KHDRBS3: variants seen among roughly 807,000 people sequenced by gnomAD.
KHDRBS3 encodes KH RNA binding domain containing, signal transduction associated 3, also known as KH domain-containing, RNA-binding, signal transduction-associated protein 3.
Under a neutral mutation model 45.6 loss-of-function variants are expected in KHDRBS3, and 23 were observed. The observed-to-expected ratio is 0.50, with a 90% CI of 0.36 to 0.72. KHDRBS3 has a LOEUF of 0.72. Among genes scored for constraint, KHDRBS3 ranks in the 30% least tolerant of loss-of-function variants. KHDRBS3 has a pLI of 0.00. For synonymous variants in KHDRBS3, 162 were observed against 156.5 expected, an observed-to-expected ratio of 1.04 and a Z score of -0.26; for missense variants, 352 against 424.8, an observed-to-expected ratio of 0.83 and a Z score of 1.51.
intron 7 of KHDRBS3, among the ~76,000 whole-genome samples, chr8:135,618,745 G>C (rs1489925344): frequency 6.6e-6 from 1 of 152,090 alleles, no homozygotes; most frequent in African/African-American, 2.4e-5. Context: ...GAGTCAGGCC[G>C]ACCTGACCTT....
At chr8:135,635,446 C>T (rs919274129) in intron 7 of KHDRBS3, among the ~76,000 whole-genome samples, 4 of 152,210 alleles carry the variant, frequency 2.6e-5, no homozygotes. Flanking sequence ...TGTAGTGGCA[C>T]GATCTTGGCT....
chr8:135,521,185 G>GCCCCTGCATTT (rs1824886413), intron 1 of KHDRBS3, 52 bp from the exon 2 acceptor site: 1 of 1,066,910 alleles, frequency 9.4e-7, no homozygotes, highest in African/African-American at 1.6e-5. Flanking sequence ...AGAACACCCA[G>GCCCCTGCATTT]CCCCTGCATT....
At chr8:135,484,425 G>A (rs936568439) in intron 1 of KHDRBS3, among the ~76,000 whole-genome samples, 4 of 152,164 alleles carry the variant, frequency 2.6e-5, no homozygotes, top group East Asian at 1.9e-4. Context: ...CCTCCTCTCC[G>A]CCGGCTGTGC....
chr8:135,526,244 G>A (rs1825179346), intron 2 of KHDRBS3, among the ~76,000 whole-genome samples: 1 of 151,984 alleles, frequency 6.6e-6, no homozygotes, highest in South Asian at 2.1e-4. Context: ...TCAATAAAGT[G>A]TACGAAATAA....
chr8:135,488,561 A>G (rs540304803), intron 1 of KHDRBS3, among the ~76,000 whole-genome samples: 3 of 152,230 alleles, frequency 2.0e-5, no homozygotes, highest in Non-Finnish European at 2.9e-5. Context: ...AAAGTTAAGG[A>G]TAACAATTCT....
intron 7 of KHDRBS3, among the ~76,000 whole-genome samples, chr8:135,626,227 A>C (rs1830354221): frequency 6.6e-6 from 1 of 152,234 alleles, no homozygotes; most frequent in South Asian, 2.1e-4. Context: ...TACAGATGAG[A>C]AATTAAATTA....
At chr8:135,654,175 C>G (rs1263695089) in intron 4 of KHDRBS3, among the ~76,000 whole-genome samples, 1 of 152,110 alleles carries the variant, frequency 6.6e-6, no homozygotes, top group Non-Finnish European at 1.5e-5. Context: ...TTATTTTATA[C>G]TAGAAAGCTA....
intron 5 of KHDRBS3, among the ~76,000 whole-genome samples, chr8:135,579,992 C>T (rs866438437): frequency 6.6e-6 from 1 of 152,152 alleles, no homozygotes; most frequent in South Asian, 2.1e-4. Context: ...CCCCTCAGAC[C>T]ACATCTCATT....
intron 6 of KHDRBS3, among the ~76,000 whole-genome samples, chr8:135,597,560 C>T (rs1026215434): frequency 6.6e-6 from 1 of 152,022 alleles, no homozygotes; most frequent in African/African-American, 2.4e-5. Flanking sequence ...TCAAACCTCC[C>T]CAACACTCTC....
At chr8:135,543,565 T>C (rs941688415) in intron 3 of KHDRBS3, among the ~76,000 whole-genome samples, 10 of 152,286 alleles carry the variant, frequency 6.6e-5, no homozygotes, top group African/African-American at 1.9e-4. Context: ...ATCTAAACAA[T>C]AGCTTTTATA....
At chr8:135,608,584 C>T (rs1829571121) in intron 7 of KHDRBS3, among the ~76,000 whole-genome samples, 1 of 152,214 alleles carries the variant, frequency 6.6e-6, no homozygotes, top group Non-Finnish European at 1.5e-5. Context: ...GTGTGACTGT[C>T]AAGTGCATAT....
chr8:135,587,585 G>A (rs1828538691), intron 6 of KHDRBS3, among the ~76,000 whole-genome samples: 1 of 152,152 alleles, frequency 6.6e-6, no homozygotes, highest in Non-Finnish European at 1.5e-5. Context: ...AGAACAAGAA[G>A]TGCCTTTTTT....
intron 7 of KHDRBS3, among the ~76,000 whole-genome samples, chr8:135,636,696 A>ATCG (rs1452111789): frequency 6.6e-6 from 1 of 152,206 alleles, no homozygotes; most frequent in African/African-American, 2.4e-5. Flanking sequence ...CGTCAACTGA[A>ATCG]TCGTCCTCAC....
At chr8:135,649,761 T>G (rs886706275), downstream of KHDRBS3, among the ~76,000 whole-genome samples, 2 of 152,168 alleles carry the variant, frequency 1.3e-5, no homozygotes, top group African/African-American at 4.8e-5. Context: ...TATGGAGAGG[T>G]AGAGGGTCAA....
At chr8:135,459,424 T>C (rs193069713) in intron 1 of KHDRBS3, among the ~76,000 whole-genome samples, 1 of 152,340 alleles carries the variant, frequency 6.6e-6, no homozygotes, top group Non-Finnish European at 1.5e-5. Flanking sequence ...TGGGCATGCA[T>C]TCCTAAATAA....
intron 7 of KHDRBS3, among the ~76,000 whole-genome samples, chr8:135,631,381 C>G (rs1409504919): frequency 6.6e-6 from 1 of 151,242 alleles, no homozygotes; most frequent in Non-Finnish European, 1.5e-5. Flanking sequence ...GCTTAAAACA[C>G]AAACATATTG....
At chr8:135,521,182 C>T (rs1024972928) in intron 1 of KHDRBS3, 55 bp from the exon 2 acceptor site, 63 of 1,050,526 alleles carry the variant, frequency 6.0e-5, no homozygotes, top group Non-Finnish European at 9.2e-5. Context: ...ACCAGAACAC[C>T]CAGCCCCTGC....
intron 7 of KHDRBS3, among the ~76,000 whole-genome samples, chr8:135,623,420 C>G (rs1263974732): frequency 6.6e-6 from 1 of 152,146 alleles, no homozygotes; most frequent in Non-Finnish European, 1.5e-5. Context: ...AAACCTTACG[C>G]TTAACTAATA....
chr8:135,504,020 C>G (rs538063456), intron 1 of KHDRBS3, among the ~76,000 whole-genome samples: 56 of 152,296 alleles, frequency 3.7e-4, no homozygotes, highest in African/African-American at 1.3e-3. Flanking sequence ...AATCACAACT[C>G]TAGAGGTAGA....
Sources: gnomAD v4.1 joint callset for allele counts (sites outside exome capture counted in the v4.1 genomes callset) on GRCh38, gnomAD v4.1.1 for gene constraint, MANE v1.5 for transcripts, NCBI Gene and HGNC (gene_info 2026-07-23, HGNC 2026-07-21) for gene names.